OR5B3: variants seen among roughly 807,000 people sequenced by gnomAD.
The protein encoded by OR5B3 is olfactory receptor family 5 subfamily B member 3.
For synonymous variants in OR5B3, 150 were observed against 135.0 expected (o/e 1.11, Z -0.77); for missense variants, 430 against 375.4 (o/e 1.15, Z -1.20).
intron 1 of OR5B3, among the ~76,000 whole-genome samples, chr11:58,405,717 A>G (rs1433151358): frequency 6.6e-6 from 1 of 152,142 alleles, no homozygotes; most frequent in Non-Finnish European, 1.5e-5. Flanking sequence ...TAGCTATGTA[A>G]TAAACCTGCA....
At position 58,402,756 on chromosome 11, in the gene OR5B3, G is replaced by C; in HGVS notation, c.654C>G (p.Phe218Leu). Residue 218 changes from phenylalanine (F) to leucine (L), a missense_variant, in exon 2 of 2, where the codon TTC becomes TTG. Physicochemically the swap from Phe to Leu is conservative, Grantham distance 22. Transcript: ENST00000641865. ...GCATCTTTAGGATGGTGATAAAAAT[G>C]AATGTGTAGGATATCAAGATAACCA... is the stretch of plus-strand genomic sequence containing the variant. ...ALLVILISYT[F>L]IFITILKMHS... 1 of 1,613,888 alleles carries C rather than the reference G, an allele frequency of 6.2e-7. No homozygotes were observed. Among genetic ancestry groups the C allele is most frequent in the South Asian group, 1.1e-5 (1 of 91,076 alleles).
rs747321888 is a variant in OR5B3, at chr11:58,403,263, C to T, written c.147G>A (p.Trp49Ter). The stretch of plus-strand genomic sequence containing the variant: ...ACATGGGATTGTGGAGACAGGAATC[C>T]CAGAATATCAATACAATAATTCCCA... ...GNLGIIVLIF[W>*]DSCLHNPMYF... Residue 49 changes from tryptophan (W) to a stop codon, truncating the protein, a stop_gained, in exon 2 of 2, where the codon TGG (tryptophan) becomes TGA (stop). Coordinates refer to ENST00000641865, the MANE Select transcript of OR5B3 (RefSeq NM_001005469.2). LOFTEE classifies it low-confidence loss of function (END_TRUNC). The T allele has an allele frequency of 6.2e-7, 1 of 1,613,696 alleles. No homozygotes were observed.
At chr11:58,405,794 A>G (rs1053436791) in intron 1 of OR5B3, among the ~76,000 whole-genome samples, 1 of 152,120 alleles carries the variant, frequency 6.6e-6, no homozygotes, top group Non-Finnish European at 1.5e-5. Context: ...ATGTACCTGT[A>G]TGATCATCAG....
Position 58,403,340 on chromosome 11 carries a change from G to T in OR5B3, c.70C>A (p.Pro24Thr). The T allele has an allele frequency of 6.2e-7, 1 of 1,612,500 alleles. No homozygotes were observed. Among genetic ancestry groups the T allele is most frequent in the Non-Finnish European group, 8.5e-7 (1 of 1,178,950 alleles). Reference sequence around the variant, plus strand: ...ATGAAGGGGAACGTTATAAAGAGGGGAACCTGCAGTTCTGAGTCATTGGTT... The same window carrying T: ...ATGAAGGGGAACGTTATAAAGAGGGTAACCTGCAGTTCTGAGTCATTGGTT... ...GLTNDSELQV[P>T]LFITFPFIYI... The change falls in exon 2 of 2, where the codon CCC (proline) becomes ACC (threonine). Residue 24 changes from proline to threonine, a missense_variant. Pro to Thr is a conservative substitution (Grantham distance 38). Coordinates refer to ENST00000641865, the MANE Select transcript of OR5B3 (RefSeq NM_001005469.2).
At chr11:58,406,762 C>A (rs1295672653) in intron 1 of OR5B3, 39 bp downstream of exon 1, 1 of 152,176 alleles carries the variant, frequency 6.6e-6, no homozygotes, top group East Asian at 1.9e-4. Context: ...GCATGAGTTA[C>A]ACTTGTCTCT....
intron 1 of OR5B3, among the ~76,000 whole-genome samples, chr11:58,403,784 A>G (rs1855067836): frequency 6.6e-6 from 1 of 152,186 alleles, no homozygotes; most frequent in Non-Finnish European, 1.5e-5. Flanking sequence ...TAATTTACCA[A>G]GAACTTCTCT....
In OR5B3 at chr11:58,403,370, C is replaced by T. The variant is rs749348960; in HGVS notation, c.40G>A (p.Gly14Arg). ...KTEVTQFILL[G>R]LTNDSELQVP... is the part of the protein sequence containing the mutation. ...TGCAGTTCTGAGTCATTGGTTAGTC[C>T]TAGAAGAATGAATTGTGTTACTTCT... is the stretch of plus-strand genomic sequence containing the variant. The change falls in exon 2 of 2, where the codon GGA becomes AGA. Residue 14 changes from glycine (G) to arginine (R), a missense_variant. Transcript: ENST00000641865. 6.2e-7 allele frequency: 1 copy of T among 1,601,864 alleles called. No homozygotes were observed. The highest frequency in any genetic ancestry group is 1.7e-5 in the Admixed American group (1 of 58,288).
chr11:58,402,938 T>C lies in OR5B3; in HGVS notation c.472A>G (p.Thr158Ala), dbSNP rs981227158. Residue 158 changes from threonine to alanine, a missense_variant, in exon 2 of 2, where the codon ACT becomes GCT. By Grantham distance (58) the Thr-to-Ala change is moderately conservative. Coordinates refer to ENST00000641865, the MANE Select transcript of OR5B3 (RefSeq NM_001005469.2). ...LCGFLNASIH[T>A]GDTFSLSFCK... ...AAAGAGAGACTAAATGTGTCCCCAGTGTGGATGGAGGCATTCAGGAAACCA... is the reference window on the plus strand; with the variant it reads ...AAAGAGAGACTAAATGTGTCCCCAGCGTGGATGGAGGCATTCAGGAAACCA... 6.2e-7 allele frequency: 1 copy of C among 1,613,798 alleles called. No individual in the cohort carries two copies. Among genetic ancestry groups the C allele is most frequent in the Non-Finnish European group, 8.5e-7 (1 of 1,179,894 alleles).
rs1313825216 is a variant in OR5B3 at position 58,402,649 on chromosome 11, A to G, written c.761T>C (p.Ile254Thr). 1.9e-6 allele frequency: 3 copies of G among 1,613,878 alleles called. No homozygotes were observed. The highest frequency in any genetic ancestry group is 2.5e-6 in the Non-Finnish European group (3 of 1,179,938). Residue 254 changes from isoleucine to threonine, a missense_variant, in exon 2 of 2, where the codon ATC (isoleucine) becomes ACC (threonine). Ile to Thr is a moderately conservative substitution (Grantham distance 89, BLOSUM62 -1). Coordinates refer to ENST00000641865, the MANE Select transcript of OR5B3 (RefSeq NM_001005469.2). ...IAVGIFYGTIIFMYLQPSSSH... is the reference protein window; with the variant it reads ...IAVGIFYGTITFMYLQPSSSH... ...GGAGCTGGGTTGTAAGTACATGAAG[A>G]TAATAGTCCCATAGAAGATGCCGAC...
chr11:58,403,028 G>GCATA lies in OR5B3; in HGVS notation c.381_382insTATG (p.Leu128TyrfsTer37), dbSNP rs1855053441. ...GTTGTCATGGTTGTGGTGTAATGTA[G>GCATA]GGGTTTGCACACTGCTGCATAGCGG... On this transcript the variant is annotated frameshift_variant, in exon 2 of 2. Transcript: ENST00000641865. LOFTEE classifies it low-confidence loss of function (END_TRUNC). The GCATA allele has an allele frequency of 6.2e-7, 1 of 1,613,956 alleles. No individual in the cohort carries two copies. Among genetic ancestry groups the GCATA allele is most frequent in the African/African-American group, 1.3e-5 (1 of 74,932 alleles).
chr11:58,403,451 A>C lies in OR5B3; in HGVS notation c.-26-16T>G, dbSNP rs749089511. 6.7e-5 allele frequency: 72 copies of C among 1,081,088 alleles called. No homozygotes were observed. The highest frequency in any genetic ancestry group is 2.2e-4 in the Middle Eastern group (1 of 4,578). 67.0% of individuals were successfully genotyped at this position (1,081,088 alleles called of 1,614,324 possible). ...TCACAGGATGCTTGTAGCAATACAA[A>C]AAAGAACAGTGTGATAAATAAATTG... On this transcript the variant is annotated splice_polypyrimidine_tract_variant and intron_variant, in intron 1 of 1. Transcript: ENST00000641865.
intron 1 of OR5B3, among the ~76,000 whole-genome samples, chr11:58,403,847 A>T (rs1225647351): frequency 6.6e-6 from 1 of 152,176 alleles, no homozygotes; most frequent in Non-Finnish European, 1.5e-5. Context: ...TATGTATTTG[A>T]TTAGTTGTTG....
In OR5B3 at chr11:58,403,362, G is replaced by A; in HGVS notation, c.48C>T (p.Thr16=). The A allele has an allele frequency of 6.2e-7, 1 of 1,609,240 alleles. No homozygotes were observed. Among genetic ancestry groups the A allele is most frequent in the Non-Finnish European group, 8.5e-7 (1 of 1,177,448 alleles). The change falls in exon 2 of 2, where the codon ACC becomes ACT. Residue 16 remains threonine, a synonymous_variant. Transcript: ENST00000641865. The part of the protein sequence containing the change: ...EVTQFILLGL[T]NDSELQVPLF... ...GGGGAACCTGCAGTTCTGAGTCATT[G>A]GTTAGTCCTAGAAGAATGAATTGTG...
intron 1 of OR5B3, 42 bp from the exon 2 acceptor site, chr11:58,403,477 A>T: frequency 1.2e-6 from 1 of 859,988 alleles, no homozygotes; most frequent in Non-Finnish European, 1.8e-6. Context: ...AAATAAATTG[A>T]ATTAAAATTG....
At position 58,403,047 on chromosome 11, in the gene OR5B3, A is replaced by G; in HGVS notation, c.363T>C (p.Tyr121=). The change falls in exon 2 of 2, where the codon TAT becomes TAC. Residue 121 remains tyrosine (Y), a synonymous_variant. Transcript: ENST00000641865. ...YLLASMAYDR[Y]AAVCKPLHYT... ...AATGTAGGGGTTTGCACACTGCTGC[A>G]TAGCGGTCATAGGCCATTGAGGCCA... The G allele has an allele frequency of 1.9e-6, 3 of 1,614,126 alleles. No homozygotes were observed. The highest frequency in any genetic ancestry group is 2.5e-6 in the Non-Finnish European group (3 of 1,179,974).
intron 1 of OR5B3, among the ~76,000 whole-genome samples, chr11:58,403,997 G>C (rs981456550): frequency 6.6e-6 from 1 of 152,080 alleles, no homozygotes; most frequent in Non-Finnish European, 1.5e-5. Flanking sequence ...GGTCTAAACT[G>C]AATTTAAATC....
chr11:58,402,955 AG>A lies in OR5B3; in HGVS notation c.454del (p.Leu152Ter). The part of the protein sequence containing the change: ...LAIGSYLCGF[L>X]NASIHTGDTF... ...GTCCCCAGTGTGGATGGAGGCATTC[AG>A]GAAACCACAGAGGTAGGAGCCTATG... On this transcript the variant is annotated frameshift_variant, in exon 2 of 2. Coordinates refer to ENST00000641865, the MANE Select transcript of OR5B3 (RefSeq NM_001005469.2). LOFTEE classifies it low-confidence loss of function (END_TRUNC). The A allele has an allele frequency of 6.2e-7, 1 of 1,614,012 alleles. No homozygotes were observed. The highest frequency in any genetic ancestry group is 8.5e-7 in the Non-Finnish European group (1 of 1,179,926).
In OR5B3 at chr11:58,403,027, A is replaced by G; in HGVS notation, c.383T>C (p.Leu128Pro). ...TGTTGTCATGGTTGTGGTGTAATGT[A>G]GGGGTTTGCACACTGCTGCATAGCG... ...YDRYAAVCKP[L>P]HYTTTMTTTV... Residue 128 changes from leucine (L) to proline (P), a missense_variant, in exon 2 of 2, where the codon CTA (leucine) becomes CCA (proline). Leu to Pro is a moderately conservative substitution (Grantham distance 98). Coordinates refer to ENST00000641865, the MANE Select transcript of OR5B3 (RefSeq NM_001005469.2). 1 of 1,614,068 alleles carries G rather than the reference A, an allele frequency of 6.2e-7. No individual in the cohort carries two copies. The highest frequency in any genetic ancestry group is 8.5e-7 in the Non-Finnish European group (1 of 1,179,950).
At chr11:58,405,428 C>T (rs1432980262) in intron 1 of OR5B3, among the ~76,000 whole-genome samples, 3 of 151,760 alleles carry the variant, frequency 2.0e-5, no homozygotes, top group South Asian at 2.1e-4. Flanking sequence ...TAAAAAAGAA[C>T]GAGATCATCT....
Sources: allele counts gnomAD v4.1 joint callset (sites outside exome capture counted in the v4.1 genomes callset), GRCh38; gene constraint gnomAD v4.1.1; transcripts MANE v1.5; gene names NCBI Gene and HGNC (gene_info 2026-07-23, HGNC 2026-07-21).